The following MED23 variants were observed in gnomAD, a reference collection of about 807,000 sequenced individuals.
The protein encoded by MED23 is mediator complex subunit 23.
Under a neutral mutation model 163.9 loss-of-function variants are expected in MED23, and 105 were observed. The ratio of observed to expected loss-of-function variants is 0.64; its 90% CI spans 0.55 to 0.75. MED23 has a LOEUF of 0.75. MED23 is among the 30% of genes least tolerant of loss of function. The pLI is 0.00. For synonymous variants in MED23, 561 were observed against 565.6 expected (o/e 0.99, Z 0.12); for missense variants, 1,054 against 1,649.0 (o/e 0.64, Z 6.25).
At chr6:131,610,520 A>T (rs1466691362) in intron 10 of MED23, among the ~76,000 whole-genome samples, 1 of 152,230 alleles carries the variant, frequency 6.6e-6, no homozygotes, top group Non-Finnish European at 1.5e-5. Flanking sequence ...CAATTTGACA[A>T]AGGGCAATGC....
At chr6:131,602,505 G>A in intron 16 of MED23, 124 bp from the exon 17 acceptor site, 1 of 842,768 alleles carries the variant, frequency 1.2e-6, no homozygotes, top group Non-Finnish European at 1.8e-6. Context: ...AAACACTTTT[G>A]TGTGAGAATA....
In MED23 at chr6:131,600,056, A is replaced by G. The variant is rs1409571294; in HGVS notation, c.2202T>C (p.Cys734=). ...AAATTACCTGTAGTGGGCCTGGAAA[A>G]CAGCTCAGGGTGTGTGAAGCCCAAT... ...PHNWASHTLS[C]FPGPLQAFFK... The change falls in exon 18 of 29, where the codon TGT becomes TGC. Residue 734 remains cysteine, a synonymous_variant. Coordinates refer to ENST00000368068, the MANE Select transcript of MED23 (RefSeq NM_004830.4). 3.7e-6 allele frequency: 6 copies of G among 1,614,022 alleles called. No individual in the cohort carries two copies. Among genetic ancestry groups the G allele is most frequent in the Non-Finnish European group, 4.2e-6 (5 of 1,180,000 alleles).
intron 25 of MED23, chr6:131,592,032 A>C (rs994350013): frequency 4.2e-5 from 11 of 263,178 alleles, no homozygotes; most frequent in Non-Finnish European, 6.5e-5. Flanking sequence ...TACCTAAAAC[A>C]TGTCTTAAGC....
At chr6:131,589,361 T>C (rs1040244851) in intron 28 of MED23, 104 bp downstream of exon 28, 25 of 1,155,024 alleles carry the variant, frequency 2.2e-5, no homozygotes, top group South Asian at 7.1e-5. Context: ...AAGAAAAAAT[T>C]AGACAAAATA....
chr6:131,585,483 G>C (rs1774144565), downstream of MED23, among the ~76,000 whole-genome samples: 1 of 152,098 alleles, frequency 6.6e-6, no homozygotes, highest in African/African-American at 2.4e-5. Context: ...TTTTAGATGG[G>C]AGCAATTATA....
chr6:131,596,441 A>G, intron 21 of MED23, 77 bp downstream of exon 21: 1 of 1,522,554 alleles, frequency 6.6e-7, no homozygotes, highest in Non-Finnish European at 9.1e-7. Context: ...ACCAGAGAGA[A>G]AACGGCCAAA....
Position 131,581,397 on chromosome 6 carries a change from C to T in MED23, c.4095+6312G>A. On this transcript the variant is annotated intron_variant, in intron 30 of 30. Transcript: ENST00000354577. ...AGGAAAGGTAAAAGACTGGTTGGTA[C>T]TCTAGTGCAATAGAATACTTTTTAG... 1 of 1,606,548 alleles carries T rather than the reference C, an allele frequency of 6.2e-7. No individual in the cohort carries two copies. The highest frequency in any genetic ancestry group is 8.5e-7 in the Non-Finnish European group (1 of 1,175,904).
At chr6:131,578,459 C>T (rs1773739870) in intron 30 of MED23, among the ~76,000 whole-genome samples, 1 of 152,126 alleles carries the variant, frequency 6.6e-6, no homozygotes. Context: ...ACACCCAGTC[C>T]TTAGGAATTT....
At position 131,602,936 on chromosome 6, in the gene MED23, A is replaced by C. The variant is rs895065143; in HGVS notation, c.1931+94T>G. The C allele has an allele frequency of 2.3e-6, 3 of 1,325,002 alleles. No homozygotes were observed. The African/African-American group carries it at 4.5e-5, about 20-fold the overall frequency. The allele number at this position is 1,325,002 out of a possible 1,614,324, so 82.1% of individuals were successfully genotyped here. On this transcript the variant is annotated intron_variant, in intron 16 of 28. Coordinates refer to ENST00000368068, the MANE Select transcript of MED23 (RefSeq NM_004830.4). ...TATGACAGATGAATAATAATAAAAA[A>C]AAAAACTATAAGGTAAAGGTAAAGG...
chr6:131,579,140 C>A (rs752395217), intron 30 of MED23: 1 of 1,614,004 alleles, frequency 6.2e-7, no homozygotes, highest in Non-Finnish European at 8.5e-7. Context: ...TGGGGACCTG[C>A]CCTTTGCTGA....
chr6:131,586,172 A>C (rs1490908846), downstream of MED23, among the ~76,000 whole-genome samples: 1 of 152,066 alleles, frequency 6.6e-6, no homozygotes, highest in Non-Finnish European at 1.5e-5. Flanking sequence ...GAGGCGGGGG[A>C]TCACGAGGTC....
At chr6:131,627,533 TACAC>T (rs763895551) in intron 2 of MED23, 50 bp from the exon 3 acceptor site, 20 of 1,590,612 alleles carry the variant, frequency 1.3e-5, no homozygotes, top group Non-Finnish European at 1.6e-5. Context: ...AAAAGGTAAT[TACAC>T]ACAATCAGAA....
intron 10 of MED23, among the ~76,000 whole-genome samples, chr6:131,613,068 C>A (rs1776395332): frequency 6.8e-6 from 1 of 147,288 alleles, no homozygotes; most frequent in Non-Finnish European, 1.5e-5. Flanking sequence ...AAATCATATT[C>A]TCTGCTTTAA....
intron 17 of MED23, among the ~76,000 whole-genome samples, chr6:131,600,811 C>T (rs1402071701): frequency 1.3e-5 from 2 of 152,144 alleles, no homozygotes; most frequent in African/African-American, 2.4e-5. Context: ...ACTGCTGGTC[C>T]TAAGCACAAA....
intron 17 of MED23, among the ~76,000 whole-genome samples, chr6:131,601,782 T>G (rs1379146669): frequency 6.6e-6 from 1 of 152,170 alleles, no homozygotes; most frequent in Non-Finnish European, 1.5e-5. Context: ...AAATATACTT[T>G]TTTTATAACA....
chr6:131,586,882 A>G lies in MED23; in HGVS notation c.*797T>C, dbSNP rs776487190. The G allele has an allele frequency of 1.4e-6, 2 of 1,457,958 alleles. No homozygotes were observed. The highest frequency in any genetic ancestry group is 1.9e-6 in the Non-Finnish European group (2 of 1,078,248). 90.3% of individuals were successfully genotyped at this position (1,457,958 alleles called of 1,614,324 possible). ...GTATTTACAAATATAAAATTTAAAA[A>G]TTTTAAGATTATAAAAATTGAAGAA... is the stretch of plus-strand genomic sequence containing the variant. On this transcript the variant is annotated 3_prime_UTR_variant, in exon 29 of 29. Transcript: ENST00000368068.
At chr6:131,597,366 C>T (rs1775127273) in intron 20 of MED23, among the ~76,000 whole-genome samples, 1 of 148,832 alleles carries the variant, frequency 6.7e-6, no homozygotes, top group Admixed American at 6.7e-5. Flanking sequence ...GTCCCAGCTA[C>T]TTGGGAGGCT....
intron 12 of MED23, 32 bp downstream of exon 12, chr6:131,607,896 G>T (rs934866768): frequency 1.7e-5 from 27 of 1,609,298 alleles, no homozygotes; most frequent in Non-Finnish European, 1.9e-5. Flanking sequence ...TACTCATCAT[G>T]TTGTTATGAA....
intron 20 of MED23, among the ~76,000 whole-genome samples, chr6:131,597,503 A>G (rs1775153691): frequency 6.6e-6 from 1 of 150,976 alleles, no homozygotes; most frequent in Non-Finnish European, 1.5e-5. Flanking sequence ...AAAAAGAAAA[A>G]AAAAATTCTG....
Sources: gnomAD v4.1 joint callset for allele counts (sites outside exome capture counted in the v4.1 genomes callset) on GRCh38, gnomAD v4.1.1 for gene constraint, MANE v1.5 for transcripts, NCBI Gene and HGNC (gene_info 2026-07-23, HGNC 2026-07-21) for gene names.